CCDC88C: variants seen among roughly 807,000 people sequenced by gnomAD.
The protein encoded by CCDC88C is coiled-coil and HOOK domain protein 88C, also known as protein Daple.
In CCDC88C, 131 loss-of-function variants were observed where a neutral mutation model predicts 198.8. The ratio of observed to expected loss-of-function variants is 0.66; its 90% CI spans 0.57 to 0.76. CCDC88C has a LOEUF of 0.76. Ranked by LOEUF, CCDC88C falls within the 30% of genes least tolerant of loss-of-function variation. The pLI, the probability that CCDC88C is intolerant of heterozygous loss-of-function variation, is 0.00. For missense variants in CCDC88C, 2,553 were observed against 2,631.6 expected, an observed-to-expected ratio of 0.97 and a Z score of 0.65; for synonymous variants, 1,166 against 1,114.7, an observed-to-expected ratio of 1.05 and a Z score of -0.92.
At chr14:91,359,783 C>T in intron 3 of CCDC88C, 72 bp from the exon 4 acceptor site, 1 of 1,390,788 alleles carries the variant, frequency 7.2e-7, no homozygotes, top group East Asian at 2.5e-5. Flanking sequence ...AAGTAAATTA[C>T]AAGTAATGAA....
At chr14:91,310,675 G>C (rs1406892510) in intron 15 of CCDC88C, among the ~76,000 whole-genome samples, 2 of 152,148 alleles carry the variant, frequency 1.3e-5, no homozygotes, top group Admixed American at 6.5e-5. Context: ...CTTCCAAAGT[G>C]CTGGGATTAC....
At chr14:91,342,338 C>T (rs1268824365) in intron 6 of CCDC88C, 42 bp downstream of exon 6, 2 of 1,263,704 alleles carry the variant, frequency 1.6e-6, no homozygotes, top group East Asian at 2.5e-5. Flanking sequence ...ACCACAGGAG[C>T]AGCAGTCCAC....
At chr14:91,359,880 G>T (rs1030524667) in intron 3 of CCDC88C, among the ~76,000 whole-genome samples, 169 bp from the exon 4 acceptor site, 1 of 152,166 alleles carries the variant, frequency 6.6e-6, no homozygotes, top group Non-Finnish European at 1.5e-5. Context: ...AAACAAACAC[G>T]AAAGCCAAAG....
chr14:91,323,670 C>CG (rs1281994038), intron 12 of CCDC88C, among the ~76,000 whole-genome samples: 1 of 152,216 alleles, frequency 6.6e-6, no homozygotes, highest in Non-Finnish European at 1.5e-5. Flanking sequence ...TGGTCTAAAT[C>CG]GGTGAGGCCT....
chr14:91,308,029 G>A lies in CCDC88C; in HGVS notation c.3006+322C>T, dbSNP rs906674278. ...ATCTGTCTCATCAGAGGGCACCCGT[G>A]AGACTCTGCAGGCCGTTGCTCAGTG... On this transcript the variant is annotated intron_variant, in intron 17 of 29. Transcript: ENST00000389857. Among the ~76,000 whole-genome samples, 6 of 152,264 alleles carry A rather than the reference G, an allele frequency of 3.9e-5. No individual in the cohort carries two copies. The South Asian group carries it at 6.2e-4, about 16-fold the overall frequency.
chr14:91,332,335 G>GC (rs1422039573), intron 10 of CCDC88C, among the ~76,000 whole-genome samples: 1 of 152,120 alleles, frequency 6.6e-6, no homozygotes, highest in African/African-American at 2.4e-5. Flanking sequence ...GACACCCCAC[G>GC]CCCGCCCGCA....
At chr14:91,306,418 G>C (rs1891558634) in intron 18 of CCDC88C, among the ~76,000 whole-genome samples, 1 of 152,214 alleles carries the variant, frequency 6.6e-6, no homozygotes, top group Non-Finnish European at 1.5e-5. Context: ...CTGGGCTAAG[G>C]GCCAGGACCT....
At chr14:91,343,760 T>C in intron 4 of CCDC88C, 103 bp from the exon 5 acceptor site, 1 of 1,354,322 alleles carries the variant, frequency 7.4e-7, no homozygotes, top group Non-Finnish European at 1.0e-6. Flanking sequence ...ATCATCTCTC[T>C]ACTCTGTGAC....
At chr14:91,413,774 G>A (rs116895974) in intron 2 of CCDC88C, among the ~76,000 whole-genome samples, 338 of 152,298 alleles carry the variant, frequency 2.2e-3, no homozygotes, top group South Asian at 8.1e-3. Flanking sequence ...GTGCAGTCAC[G>A]TGACCCCCAG....
At chr14:91,278,234 G>C (rs1384809920) in intron 28 of CCDC88C, 23 bp from the exon 29 acceptor site, 1 of 1,572,440 alleles carries the variant, frequency 6.4e-7, no homozygotes, top group Non-Finnish European at 8.7e-7. Context: ...GCAGGAGACA[G>C]AGGACCCTCA....
intron 3 of CCDC88C, among the ~76,000 whole-genome samples, chr14:91,389,056 C>T: frequency 6.6e-6 from 1 of 152,118 alleles, no homozygotes; most frequent in East Asian, 1.9e-4. Context: ...GCACGCCAGC[C>T]CAACATGAGG....
intron 4 of CCDC88C, among the ~76,000 whole-genome samples, chr14:91,345,031 C>T (rs146075625): frequency 0.013 from 1,909 of 151,102 alleles, 41 homozygotes; most frequent in African/African-American, 0.044. Context: ...TGGGCTCAAG[C>T]GATCCTCCTG....
At chr14:91,372,537 G>GGGGGGGGGGGGGGGGGGGGGGGGT (rs1894860192) in intron 3 of CCDC88C, among the ~76,000 whole-genome samples, 1 of 103,922 alleles carries the variant, frequency 9.6e-6, no homozygotes. Flanking sequence ...GCGGGGGGGG[G>GGGGGGGGGGGGGGGGGGGGGGGGT]CGGGCGGGGG....
intron 15 of CCDC88C, among the ~76,000 whole-genome samples, chr14:91,311,545 A>T (rs1371467033): frequency 6.6e-6 from 1 of 152,214 alleles, no homozygotes; most frequent in Admixed American, 6.5e-5. Context: ...AAGCCTCAAG[A>T]TGGCAGAAGC....
intron 3 of CCDC88C, among the ~76,000 whole-genome samples, chr14:91,388,842 C>A (rs1419229645): frequency 6.6e-6 from 1 of 152,134 alleles, no homozygotes; most frequent in Non-Finnish European, 1.5e-5. Context: ...CCTCAGCTGT[C>A]CCCACGAAAG....
chr14:91,349,447 T>C (rs1003415161), intron 4 of CCDC88C, among the ~76,000 whole-genome samples: 2 of 152,222 alleles, frequency 1.3e-5, no homozygotes, highest in African/African-American at 2.4e-5. Flanking sequence ...TGGTTACACT[T>C]ACTCGAGCTG....
intron 21 of CCDC88C, among the ~76,000 whole-genome samples, chr14:91,297,916 A>G (rs1891084999): frequency 6.6e-6 from 1 of 152,208 alleles, no homozygotes; most frequent in South Asian, 2.1e-4. Flanking sequence ...GTCTCTGCCC[A>G]GCTCTTCTTC....
intron 3 of CCDC88C, among the ~76,000 whole-genome samples, chr14:91,398,134 T>A (rs1250966476): frequency 2.6e-5 from 4 of 152,174 alleles, no homozygotes; most frequent in Non-Finnish European, 5.9e-5. Context: ...GCCTTTTGAT[T>A]TGGGCACAGA....
chr14:91,306,598 A>G (rs1891565025), intron 18 of CCDC88C, among the ~76,000 whole-genome samples: 1 of 152,244 alleles, frequency 6.6e-6, no homozygotes, highest in African/African-American at 2.4e-5. Context: ...CTTTTTCTAG[A>G]AAGGGCCAGA....
Sources: gnomAD v4.1 joint callset for allele counts (sites outside exome capture counted in the v4.1 genomes callset) on GRCh38, gnomAD v4.1.1 for gene constraint, MANE v1.5 for transcripts, NCBI Gene and HGNC (gene_info 2026-07-23, HGNC 2026-07-21) for gene names.